The following SPIDR variants were observed in gnomAD, a reference collection of about 807,000 sequenced individuals.
SPIDR encodes the protein scaffold protein involved in DNA repair.
SPIDR carries 93 observed loss-of-function variants against 104.6 expected under a neutral mutation model. That is an observed-to-expected ratio of 0.89 (90% CI 0.75 to 1.06). The LOEUF is 1.06. Ranked by LOEUF, SPIDR falls within the 50% of genes least tolerant of loss-of-function variation. The pLI is 0.00. For missense variants in SPIDR, 1,154 were observed against 1,111.2 expected, an observed-to-expected ratio of 1.04 and a Z score of -0.55; for synonymous variants, 431 against 416.9, an observed-to-expected ratio of 1.03 and a Z score of -0.41.
chr8:47,575,365 C>T (rs1289156675), intron 8 of SPIDR, among the ~76,000 whole-genome samples: 3 of 152,084 alleles, frequency 2.0e-5, no homozygotes, highest in East Asian at 3.9e-4. Context: ...AAAAGCTGGC[C>T]GGGCGCGGTG....
intron 7 of SPIDR, among the ~76,000 whole-genome samples, chr8:47,429,021 A>G (rs2066896257): frequency 2.0e-5 from 3 of 152,184 alleles, no homozygotes; most frequent in Admixed American, 2.0e-4. Flanking sequence ...GTCGTGAGCC[A>G]GAAGATTTTG....
chr8:47,284,089 A>G lies in SPIDR; in HGVS notation c.251A>G (p.Lys84Arg), dbSNP rs1563481763. ...EKHLELCPRP[K>R]QETTTSKSTS... ...CACCTTGAATTATGCCCTAGACCCA[A>G]GCAAGGTAACTATTTTGTTGATTTC... The change falls in exon 3 of 20, where the codon AAG (lysine) becomes AGG (arginine). Residue 84 changes from lysine (K) to arginine (R), a missense_variant. By Grantham distance (26) the Lys-to-Arg change is conservative. Coordinates refer to ENST00000297423, the MANE Select transcript of SPIDR (RefSeq NM_001080394.4). The G allele has an allele frequency of 6.8e-6, 11 of 1,609,064 alleles. No homozygotes were observed. Among genetic ancestry groups the G allele is most frequent in the East Asian group, 2.2e-5 (1 of 44,828 alleles).
At chr8:47,545,073 TTCTTTCTTTC>T (rs945429249) in intron 8 of SPIDR, among the ~76,000 whole-genome samples, 1 of 13,274 alleles carries the variant, frequency 7.5e-5, no homozygotes, top group Non-Finnish European at 1.8e-4. Flanking sequence ...TTTTTATCTT[TTCTTTCTTTC>T]TTTCTTTCTT....
intron 10 of SPIDR, among the ~76,000 whole-genome samples, chr8:47,617,781 T>A (rs2064539043): frequency 6.6e-6 from 1 of 152,218 alleles, no homozygotes; most frequent in Admixed American, 6.5e-5. Flanking sequence ...ATAAGTTTTG[T>A]CCTGGATGAT....
At chr8:47,309,082 G>A (rs587710906) in intron 5 of SPIDR, among the ~76,000 whole-genome samples, 3 of 152,320 alleles carry the variant, frequency 2.0e-5, no homozygotes, top group African/African-American at 7.2e-5. Context: ...TCCTCTGATT[G>A]CGTATAAGTT....
chr8:47,712,864 G>A lies in SPIDR; in HGVS notation c.2180G>A (p.Arg727His), dbSNP rs758971231. Residue 727 changes from arginine (R) to histidine (H), a missense_variant, in exon 15 of 20, where the codon CGT becomes CAT. Coordinates refer to ENST00000297423, the MANE Select transcript of SPIDR (RefSeq NM_001080394.4). Reference protein sequence around the residue: ...PHSLFFKDALRDQGRIVCAER... With the variant: ...PHSLFFKDALHDQGRIVCAER... The stretch of plus-strand genomic sequence containing the variant: ...AGCCTCTTCTTCAAGGACGCTCTCC[G>A]TGACCAGGGTGTGCTTGCGTCTCCA... 9.9e-6 allele frequency: 16 copies of A among 1,613,832 alleles called. No homozygotes were observed. Among genetic ancestry groups the A allele is most frequent in the Middle Eastern group, 1.7e-4 (1 of 5,944 alleles).
intron 8 of SPIDR, among the ~76,000 whole-genome samples, chr8:47,531,762 A>G (rs1008844253): frequency 4.6e-5 from 7 of 152,262 alleles, no homozygotes; most frequent in African/African-American, 1.7e-4. Flanking sequence ...CTAGGCAGTA[A>G]GAATCTTTCA....
At chr8:47,386,801 T>C (rs1412229957) in intron 5 of SPIDR, among the ~76,000 whole-genome samples, 1 of 152,052 alleles carries the variant, frequency 6.6e-6, no homozygotes, top group Non-Finnish European at 1.5e-5. Flanking sequence ...GTGGTTATTT[T>C]TTCTGTTTTA....
chr8:47,399,029 T>C (rs2061554282), intron 6 of SPIDR, among the ~76,000 whole-genome samples: 1 of 152,110 alleles, frequency 6.6e-6, no homozygotes, highest in African/African-American at 2.4e-5. Flanking sequence ...AGAGAGAAAC[T>C]GAAGACAGCA....
chr8:47,647,655 G>GAGAGAGAGAGT (rs1299640663), intron 10 of SPIDR, among the ~76,000 whole-genome samples: 1 of 50,164 alleles, frequency 2.0e-5, no homozygotes, highest in Non-Finnish European at 4.0e-5. Context: ...AGAGAGAGAG[G>GAGAGAGAGAGT]GAGAGAGAGA....
At chr8:47,469,309 C>A (rs950864873) in intron 8 of SPIDR, among the ~76,000 whole-genome samples, 1 of 152,056 alleles carries the variant, frequency 6.6e-6, no homozygotes, top group Admixed American at 6.5e-5. Flanking sequence ...AACAGCATTG[C>A]CATTCCTCAA....
At chr8:47,698,098 A>G (rs2079615727) in intron 11 of SPIDR, among the ~76,000 whole-genome samples, 1 of 152,244 alleles carries the variant, frequency 6.6e-6, no homozygotes, top group Non-Finnish European at 1.5e-5. Context: ...AATCATAAGC[A>G]TAATGAATTA....
At chr8:47,431,078 A>T (rs560546484) in intron 7 of SPIDR, among the ~76,000 whole-genome samples, 1 of 152,340 alleles carries the variant, frequency 6.6e-6, no homozygotes, top group Admixed American at 6.5e-5. Flanking sequence ...TCTTTCTCAC[A>T]GTGCTGGAGG....
At chr8:47,376,261 A>G (rs2058654089) in intron 5 of SPIDR, among the ~76,000 whole-genome samples, 1 of 152,200 alleles carries the variant, frequency 6.6e-6, no homozygotes, top group Non-Finnish European at 1.5e-5. Context: ...AGCCTTTTGA[A>G]GTTGAGAGCA....
chr8:47,385,853 C>T (rs906692538), intron 5 of SPIDR, among the ~76,000 whole-genome samples: 53 of 152,100 alleles, frequency 3.5e-4, no homozygotes, highest in African/African-American at 1.1e-3. Flanking sequence ...TTAAATGTTT[C>T]TACTTGGGGA....
chr8:47,465,053 C>T (rs1415708958), intron 8 of SPIDR, among the ~76,000 whole-genome samples: 3 of 152,128 alleles, frequency 2.0e-5, no homozygotes, highest in Non-Finnish European at 1.5e-5. Context: ...CATGAGCCAC[C>T]GGGCCTGACC....
chr8:47,520,001 T>C (rs1180249562), intron 8 of SPIDR, among the ~76,000 whole-genome samples: 1 of 152,148 alleles, frequency 6.6e-6, no homozygotes, highest in African/African-American at 2.4e-5. Flanking sequence ...CTTATACCAA[T>C]TGGTATAGCA....
At chr8:47,643,502 C>A (rs1032764863) in intron 10 of SPIDR, among the ~76,000 whole-genome samples, 1 of 140,912 alleles carries the variant, frequency 7.1e-6, no homozygotes, top group African/African-American at 2.7e-5. Flanking sequence ...GCACATATCA[C>A]CACACCTGGC....
At chr8:47,673,018 T>C (rs2075990079) in intron 10 of SPIDR, among the ~76,000 whole-genome samples, 1 of 152,228 alleles carries the variant, frequency 6.6e-6, no homozygotes, top group Non-Finnish European at 1.5e-5. Flanking sequence ...CACATTCTTA[T>C]CTTTAGAACA....
Sources: allele counts gnomAD v4.1 joint callset (sites outside exome capture counted in the v4.1 genomes callset), GRCh38; gene constraint gnomAD v4.1.1; transcripts MANE v1.5; gene names NCBI Gene and HGNC (gene_info 2026-07-23, HGNC 2026-07-21).